Variants in TAFA1 observed in about 807,000 individuals in gnomAD.
TAFA1 encodes chemokine-like protein TAFA-1.
In TAFA1, 4 loss-of-function variants were observed where a neutral mutation model predicts 18.5. The observed-to-expected ratio is 0.22, with a 90% CI of 0.11 to 0.49. The LOEUF is 0.49. Among genes scored for constraint, TAFA1 ranks in the 20% least tolerant of loss-of-function variants. TAFA1 has a pLI of 0.98. For synonymous variants in TAFA1, 56 were observed against 55.2 expected (o/e 1.01, Z -0.06); for missense variants, 147 against 169.0 (o/e 0.87, Z 0.72).
chr3:68,383,167 C>A lies in TAFA1; in HGVS notation c.119-34113C>A, dbSNP rs2070013856. ...CAGCAGAGAGGGATAGTTTGACTTA[C>A]TCTCTTTATTTCTTTCTGTTGTCTG... On this transcript the variant is annotated intron_variant, in intron 2 of 4. Coordinates refer to ENST00000478136, the MANE Select transcript of TAFA1 (RefSeq NM_213609.4). Among the ~76,000 whole-genome samples, 8 of 151,636 alleles carry A rather than the reference C, an allele frequency of 5.3e-5. No individual in the cohort carries two copies. The South Asian group carries it at 1.7e-3, about 31-fold the overall frequency.
intron 2 of TAFA1, among the ~76,000 whole-genome samples, chr3:68,275,095 GAT>G (rs144328673): frequency 2.6e-5 from 4 of 151,694 alleles, no homozygotes; most frequent in Admixed American, 6.6e-5. Context: ...AGTTAATTGA[GAT>G]ATATATATAT....
At chr3:68,268,992 C>T (rs1295998970) in intron 2 of TAFA1, among the ~76,000 whole-genome samples, 1 of 152,122 alleles carries the variant, frequency 6.6e-6, no homozygotes, top group Non-Finnish European at 1.5e-5. Flanking sequence ...CCAACTCTTC[C>T]CTACCTTCCT....
At chr3:68,489,931 C>G (rs558779834) in intron 3 of TAFA1, among the ~76,000 whole-genome samples, 1 of 152,114 alleles carries the variant, frequency 6.6e-6, no homozygotes, top group Admixed American at 6.5e-5. Flanking sequence ...ATCTTTTTTA[C>G]TTAAATGAAA....
intron 2 of TAFA1, among the ~76,000 whole-genome samples, chr3:68,216,065 G>C (rs932292521): frequency 6.6e-6 from 1 of 152,008 alleles, no homozygotes; most frequent in Non-Finnish European, 1.5e-5. Flanking sequence ...ATCTGAAAAG[G>C]CTACCTACTC....
intron 2 of TAFA1, among the ~76,000 whole-genome samples, chr3:68,259,936 T>C (rs1366867092): frequency 1.3e-5 from 2 of 151,622 alleles, no homozygotes; most frequent in Non-Finnish European, 3.0e-5. Flanking sequence ...TATTTCCTTC[T>C]CCTGCCTAAT....
At chr3:68,424,347 G>A (rs1158867372) in intron 3 of TAFA1, among the ~76,000 whole-genome samples, 1 of 151,992 alleles carries the variant, frequency 6.6e-6, no homozygotes, top group Non-Finnish European at 1.5e-5. Flanking sequence ...GGTAGTAAAA[G>A]AGAGTAGTTA....
chr3:68,413,535 A>T (rs1458719004), intron 2 of TAFA1, among the ~76,000 whole-genome samples: 6 of 152,218 alleles, frequency 3.9e-5, no homozygotes, highest in Non-Finnish European at 5.9e-5. Context: ...AAATAACAAT[A>T]GTTCTATCTC....
intron 2 of TAFA1, among the ~76,000 whole-genome samples, chr3:68,104,805 A>G (rs1376328129): frequency 6.6e-6 from 1 of 152,162 alleles, no homozygotes; most frequent in East Asian, 1.9e-4. Flanking sequence ...AATATTTACT[A>G]TCTATCCTTT....
intron 2 of TAFA1, among the ~76,000 whole-genome samples, chr3:68,024,787 C>G (rs538162159): frequency 7.1e-6 from 1 of 141,548 alleles, no homozygotes; most frequent in South Asian, 2.3e-4. Context: ...AAAGGACTCT[C>G]TAGACCATCT....
intron 2 of TAFA1, among the ~76,000 whole-genome samples, chr3:68,405,699 C>CAAAAAAAAAAAAAAAAAAAAA (rs56258198): frequency 3.0e-5 from 1 of 32,888 alleles, no homozygotes; most frequent in Non-Finnish European, 7.8e-5. Flanking sequence ...GACTCTATCT[C>CAAAAAAAAAAAAAAAAAAAAA]AAAAAAAAAA....
intron 2 of TAFA1, among the ~76,000 whole-genome samples, chr3:68,407,242 T>G (rs1405027967): frequency 1.3e-5 from 2 of 152,066 alleles, no homozygotes; most frequent in African/African-American, 4.8e-5. Context: ...CAGAGTAAAT[T>G]TTCATGCCTA....
intron 3 of TAFA1, among the ~76,000 whole-genome samples, chr3:68,419,924 G>A (rs1202973959): frequency 2.0e-5 from 3 of 152,066 alleles, no homozygotes; most frequent in African/African-American, 7.2e-5. Context: ...CTTTGTTCAC[G>A]GAACATACTA....
intron 2 of TAFA1, among the ~76,000 whole-genome samples, chr3:68,007,485 T>C (rs1270237598): frequency 6.6e-6 from 1 of 152,058 alleles, no homozygotes; most frequent in Admixed American, 6.5e-5. Flanking sequence ...CTCATTACAG[T>C]CCCTCCCAGC....
At chr3:68,033,718 T>G (rs1388584153) in intron 2 of TAFA1, among the ~76,000 whole-genome samples, 1 of 152,224 alleles carries the variant, frequency 6.6e-6, no homozygotes, top group Non-Finnish European at 1.5e-5. Flanking sequence ...CAGTATTTCT[T>G]CTTTTCTGTA....
chr3:68,172,013 G>A (rs2066060173), intron 2 of TAFA1, among the ~76,000 whole-genome samples: 1 of 152,070 alleles, frequency 6.6e-6, no homozygotes, highest in Non-Finnish European at 1.5e-5. Flanking sequence ...TAGAAGGAGA[G>A]AAGAGAGAGA....
intron 2 of TAFA1, among the ~76,000 whole-genome samples, chr3:68,021,991 T>G (rs1387823857): frequency 6.6e-6 from 1 of 152,144 alleles, no homozygotes; most frequent in Non-Finnish European, 1.5e-5. Flanking sequence ...TCAAAAACGC[T>G]GTTAAGTATT....
chr3:68,119,332 A>G (rs1226107020), intron 2 of TAFA1, among the ~76,000 whole-genome samples: 2 of 152,016 alleles, frequency 1.3e-5, no homozygotes, highest in South Asian at 4.1e-4. Flanking sequence ...CATTCCATAC[A>G]TTGCCTTTCC....
At chr3:68,297,338 C>T (rs536695045) in intron 2 of TAFA1, among the ~76,000 whole-genome samples, 1 of 152,262 alleles carries the variant, frequency 6.6e-6, no homozygotes, top group Non-Finnish European at 1.5e-5. Flanking sequence ...TCTACAGAAG[C>T]CAACAGTTAG....
At chr3:68,294,467 C>T (rs2068170675) in intron 2 of TAFA1, among the ~76,000 whole-genome samples, 1 of 152,180 alleles carries the variant, frequency 6.6e-6, no homozygotes, top group African/African-American at 2.4e-5. Flanking sequence ...TATCTATATT[C>T]TGACAATAAA....
Sources: allele counts gnomAD v4.1 joint callset (sites outside exome capture counted in the v4.1 genomes callset), GRCh38; gene constraint gnomAD v4.1.1; transcripts MANE v1.5; gene names NCBI Gene and HGNC (gene_info 2026-07-23, HGNC 2026-07-21).